Variants in PID1 observed in about 807,000 individuals in gnomAD.
PID1 encodes PTB-containing, cubilin and LRP1-interacting protein.
PID1 carries 10 observed loss-of-function variants against 19.1 expected under a neutral mutation model. The observed-to-expected ratio is 0.52, with a 90% CI of 0.32 to 0.89. The LOEUF (loss-of-function observed/expected upper bound fraction) is 0.89. Ranked by LOEUF, PID1 falls within the 40% of genes least tolerant of loss-of-function variation. The pLI is 0.03. For missense variants in PID1, 248 were observed against 285.3 expected, an observed-to-expected ratio of 0.87 and a Z score of 0.94; for synonymous variants, 130 against 116.0, an observed-to-expected ratio of 1.12 and a Z score of -0.78.
intron 2 of PID1, among the ~76,000 whole-genome samples, chr2:229,144,747 C>T (rs1439537938): frequency 6.6e-6 from 1 of 151,870 alleles, no homozygotes; most frequent in Admixed American, 6.6e-5. Context: ...GAAGAAACTG[C>T]CAAAATAAAT....
Position 229,025,361 on chromosome 2 carries a change from T to G in PID1, c.*271A>C. ...CATGGAGCTCTCCCACAGAGAGGCA[T>G]TGGGAAATGAGAAAAATAAGAGAGC... On this transcript the variant is annotated 3_prime_UTR_variant, in exon 3 of 3. Transcript: ENST00000392055. 2.6e-6 allele frequency: 1 copy of G among 378,600 alleles called. No homozygotes were observed. The allele number at this position is 378,600 out of a possible 1,614,324, so 23.5% of individuals were successfully genotyped here. A position where few individuals can be genotyped will look rare whatever the true frequency, so the allele number is the denominator to read the frequency against.
intron 2 of PID1, among the ~76,000 whole-genome samples, chr2:229,139,021 A>G (rs1254316759): frequency 1.5e-4 from 13 of 86,724 alleles, no homozygotes; most frequent in African/African-American, 5.8e-4. Flanking sequence ...GAAAGAAAGA[A>G]AGAAAGAAAG....
intron 2 of PID1, among the ~76,000 whole-genome samples, chr2:229,033,723 G>A (rs1412242579): frequency 6.6e-6 from 1 of 152,090 alleles, no homozygotes; most frequent in Non-Finnish European, 1.5e-5. Context: ...TTGTCTGTAG[G>A]ACATACAATA....
chr2:229,154,963 C>T (rs1421237054), intron 2 of PID1, among the ~76,000 whole-genome samples: 1 of 152,154 alleles, frequency 6.6e-6, no homozygotes, highest in Non-Finnish European at 1.5e-5. Context: ...AGTTTTGTTT[C>T]CACGTTGGCA....
intron 1 of PID1, among the ~76,000 whole-genome samples, chr2:229,241,885 T>C (rs1276177817): frequency 2.0e-5 from 3 of 152,158 alleles, no homozygotes. Context: ...TCACCACTTT[T>C]GACAAATTCA....
chr2:229,224,478 T>C (rs890228478), intron 1 of PID1, among the ~76,000 whole-genome samples: 3 of 152,222 alleles, frequency 2.0e-5, no homozygotes, highest in Non-Finnish European at 4.4e-5. Flanking sequence ...TAACTCTGTA[T>C]CTGGAATTAA....
At chr2:229,222,019 C>G (rs1691981194) in intron 1 of PID1, among the ~76,000 whole-genome samples, 1 of 152,244 alleles carries the variant, frequency 6.6e-6, no homozygotes, top group South Asian at 2.1e-4. Context: ...ACAAAGTCCT[C>G]CTAAGCACCC....
intron 1 of PID1, among the ~76,000 whole-genome samples, chr2:229,202,037 T>C (rs1050467933): frequency 2.0e-5 from 3 of 152,086 alleles, no homozygotes; most frequent in African/African-American, 7.2e-5. Context: ...GAAATAGAAG[T>C]GAAGCTAGTA....
Position 229,094,553 on chromosome 2 carries a change from T to C in PID1, c.177+61265A>G, listed in dbSNP as rs185751545. Among the ~76,000 whole-genome samples, 19 of 152,046 alleles carry C rather than the reference T, an allele frequency of 1.2e-4. No individual in the cohort carries two copies. The East Asian group carries it at 1.7e-3, about 14-fold the overall frequency. On this transcript the variant is annotated intron_variant, in intron 2 of 2. Coordinates refer to ENST00000392055, the MANE Select transcript of PID1 (RefSeq NM_001100818.2). ...GACTTCGAATTATACTAAAAGGATA[T>C]AGTAACCAAAACAGCACAGTACAGG...
At position 229,195,427 on chromosome 2, in the gene PID1, A is replaced by T. The variant is rs185334609; in HGVS notation, c.31-39463T>A. Among the ~76,000 whole-genome samples, 134 of 152,024 alleles carry T rather than the reference A, an allele frequency of 8.8e-4. No individual in the cohort carries two copies. The Middle Eastern group carries it at 0.021, about 24-fold the overall frequency. On this transcript the variant is annotated intron_variant, in intron 1 of 2. Coordinates refer to ENST00000392055, the MANE Select transcript of PID1 (RefSeq NM_001100818.2). ...CATAACATGCATACATACATGTATA[A>T]ACACATATACACATATTACACATAC...
intron 2 of PID1, among the ~76,000 whole-genome samples, chr2:229,084,797 A>G (rs1309950585): frequency 6.6e-6 from 1 of 152,206 alleles, no homozygotes; most frequent in Non-Finnish European, 1.5e-5. Flanking sequence ...AACAATGCAC[A>G]GCATTCACTC....
At chr2:229,042,781 A>T (rs1322578748) in intron 2 of PID1, among the ~76,000 whole-genome samples, 1 of 152,138 alleles carries the variant, frequency 6.6e-6, no homozygotes, top group Non-Finnish European at 1.5e-5. Context: ...CATATTCTTA[A>T]CATAATCTTG....
intron 2 of PID1, among the ~76,000 whole-genome samples, chr2:229,143,646 T>C (rs1690065165): frequency 6.6e-6 from 1 of 152,064 alleles, no homozygotes; most frequent in Admixed American, 6.6e-5. Context: ...CCCATCCAAA[T>C]CTCATCTTGA....
At chr2:229,051,890 C>A (rs1306142919) in intron 2 of PID1, among the ~76,000 whole-genome samples, 1 of 152,122 alleles carries the variant, frequency 6.6e-6, no homozygotes, top group Non-Finnish European at 1.5e-5. Context: ...GGCCTAAATT[C>A]TTCACATCCT....
chr2:229,257,746 G>A (rs550256836), intron 1 of PID1, among the ~76,000 whole-genome samples: 8 of 152,260 alleles, frequency 5.3e-5, no homozygotes, highest in African/African-American at 1.4e-4. Context: ...TAAACTACTA[G>A]GTTAAAGTCA....
At chr2:229,114,033 C>A (rs1018237648) in intron 2 of PID1, among the ~76,000 whole-genome samples, 8 of 152,038 alleles carry the variant, frequency 5.3e-5, no homozygotes, top group Non-Finnish European at 8.8e-5. Context: ...AGAAGTAATG[C>A]GTCAACATTA....
intron 2 of PID1, among the ~76,000 whole-genome samples, chr2:229,041,767 C>A (rs1377645528): frequency 1.3e-5 from 2 of 152,092 alleles, no homozygotes; most frequent in Non-Finnish European, 2.9e-5. Flanking sequence ...CCATTACCCC[C>A]CTGCCAACCC....
intron 2 of PID1, among the ~76,000 whole-genome samples, chr2:229,109,121 A>G (rs1399766367): frequency 1.3e-5 from 2 of 152,218 alleles, no homozygotes; most frequent in Non-Finnish European, 2.9e-5. Flanking sequence ...ATAGCTAAAA[A>G]TGCACAGAGT....
intron 2 of PID1, among the ~76,000 whole-genome samples, chr2:229,142,301 T>A (rs1373192742): frequency 2.0e-5 from 3 of 152,152 alleles, no homozygotes; most frequent in African/African-American, 7.2e-5. Flanking sequence ...AAAGTTCAAA[T>A]GGCTAAAATT....
Sources: gnomAD v4.1 joint callset for allele counts (sites outside exome capture counted in the v4.1 genomes callset) on GRCh38, gnomAD v4.1.1 for gene constraint, MANE v1.5 for transcripts, NCBI Gene and HGNC (gene_info 2026-07-23, HGNC 2026-07-21) for gene names.